DGKB: variants seen among roughly 807,000 people sequenced by gnomAD.
DGKB encodes diacylglycerol kinase beta, also known as 90 kDa diacylglycerol kinase.
Under a neutral mutation model 114.3 loss-of-function variants are expected in DGKB, and 67 were observed. The observed-to-expected ratio is 0.59, with a 90% CI of 0.48 to 0.72. DGKB has a LOEUF of 0.72. Ranked by LOEUF, DGKB falls within the 30% of genes least tolerant of loss-of-function variation. DGKB has a pLI of 0.00. For missense variants in DGKB, 907 were observed against 975.2 expected, an observed-to-expected ratio of 0.93 and a Z score of 0.93; for synonymous variants, 398 against 323.1, an observed-to-expected ratio of 1.23 and a Z score of -2.49.
chr7:14,636,695 C>A (rs772460924), intron 13 of DGKB, among the ~76,000 whole-genome samples: 1 of 151,700 alleles, frequency 6.6e-6, no homozygotes, highest in Non-Finnish European at 1.5e-5. Context: ...ATCTACCTGG[C>A]GGGCAAAAAT....
chr7:14,572,270 C>T (rs1450396629), intron 20 of DGKB, among the ~76,000 whole-genome samples: 4 of 148,658 alleles, frequency 2.7e-5, no homozygotes, highest in African/African-American at 7.4e-5. Context: ...TGGCTAACCC[C>T]GTATCTACTA....
At chr7:14,905,749 G>GCTTA (rs1377657086), upstream of DGKB, among the ~76,000 whole-genome samples, 1 of 152,132 alleles carries the variant, frequency 6.6e-6, no homozygotes, top group Non-Finnish European at 1.5e-5. Context: ...AGCCATGTTT[G>GCTTA]CTTAGTTCAT....
chr7:14,175,474 G>A (rs948588874), intron 25 of DGKB, among the ~76,000 whole-genome samples: 3 of 151,950 alleles, frequency 2.0e-5, no homozygotes, highest in African/African-American at 7.3e-5. Flanking sequence ...AATTTTTCCT[G>A]TTCTACCTCT....
intron 23 of DGKB, among the ~76,000 whole-genome samples, chr7:14,192,430 CTG>C (rs1238826482): frequency 6.6e-6 from 1 of 151,966 alleles, no homozygotes; most frequent in Non-Finnish European, 1.5e-5. Context: ...TACAATAAAA[CTG>C]TAAAACTTTG....
chr7:14,410,434 C>G (rs908912664), intron 21 of DGKB, among the ~76,000 whole-genome samples: 1 of 151,984 alleles, frequency 6.6e-6, no homozygotes. Flanking sequence ...CATTTTTATT[C>G]AGCAAGACAC....
At chr7:14,288,234 A>ATT (rs1357871823) in intron 23 of DGKB, among the ~76,000 whole-genome samples, 7 of 75,746 alleles carry the variant, frequency 9.2e-5, no homozygotes, top group East Asian at 3.4e-4. Flanking sequence ...TTTTTTTTTA[A>ATT]TTTTTTTTTT....
chr7:14,185,150 T>A (rs1404883495), intron 23 of DGKB, among the ~76,000 whole-genome samples: 3 of 152,326 alleles, frequency 2.0e-5, no homozygotes, highest in African/African-American at 7.2e-5. Flanking sequence ...AGAAAGCTCC[T>A]AGAATTGATA....
chr7:14,176,320 T>A, intron 25 of DGKB: 2 of 983,890 alleles, frequency 2.0e-6, no homozygotes, highest in Non-Finnish European at 2.4e-6. Context: ...AGGGGCAGTG[T>A]CTGCCTTAAA....
At chr7:14,446,494 C>T (rs1563200840) in intron 21 of DGKB, among the ~76,000 whole-genome samples, 1 of 152,104 alleles carries the variant, frequency 6.6e-6, no homozygotes, top group Non-Finnish European at 1.5e-5. Context: ...ACATGACATA[C>T]AGACAGACAC....
intron 2 of DGKB, among the ~76,000 whole-genome samples, chr7:14,823,694 G>T (rs1207441301): frequency 6.6e-6 from 1 of 152,124 alleles, no homozygotes; most frequent in Non-Finnish European, 1.5e-5. Context: ...ATGAAACTGT[G>T]ATTGAAAACA....
chr7:14,844,608 T>A (rs1848387805), intron 1 of DGKB, among the ~76,000 whole-genome samples: 1 of 152,202 alleles, frequency 6.6e-6, no homozygotes, highest in Admixed American at 6.5e-5. Context: ...ATTGTTGTGA[T>A]AGCTTCTTAA....
intron 1 of DGKB, among the ~76,000 whole-genome samples, chr7:14,854,775 G>C (rs1480752053): frequency 1.3e-5 from 2 of 152,090 alleles, no homozygotes; most frequent in Non-Finnish European, 2.9e-5. Flanking sequence ...GTTAGTACGA[G>C]CTATGATTTT....
intron 20 of DGKB, among the ~76,000 whole-genome samples, chr7:14,501,657 C>G (rs1424478382): frequency 1.3e-5 from 2 of 151,926 alleles, no homozygotes; most frequent in Non-Finnish European, 2.9e-5. Context: ...ACGTGTTCTG[C>G]TGGATTTCAT....
chr7:14,171,194 G>T (rs1780939809), intron 25 of DGKB, among the ~76,000 whole-genome samples: 1 of 152,158 alleles, frequency 6.6e-6, no homozygotes, highest in Non-Finnish European at 1.5e-5. Flanking sequence ...CAGAAAAAAG[G>T]CAAAGAGGGG....
At chr7:14,714,632 A>G (rs1347070335) in intron 6 of DGKB, among the ~76,000 whole-genome samples, 21 of 152,158 alleles carry the variant, frequency 1.4e-4, no homozygotes, top group Admixed American at 1.3e-3. Context: ...AAAAAAAAAC[A>G]TTATCTGGAT....
chr7:14,594,877 G>A (rs1165938974), intron 17 of DGKB, among the ~76,000 whole-genome samples: 1 of 152,086 alleles, frequency 6.6e-6, no homozygotes, highest in African/African-American at 2.4e-5. Flanking sequence ...AATGGCACCT[G>A]TATCTATCCA....
chr7:14,689,116 A>C (rs1486698351), intron 9 of DGKB, among the ~76,000 whole-genome samples: 1 of 151,938 alleles, frequency 6.6e-6, no homozygotes, highest in Non-Finnish European at 1.5e-5. Context: ...AACTCATTAA[A>C]TAACAAAGAA....
chr7:14,341,690 G>A (rs1402432928), intron 22 of DGKB, among the ~76,000 whole-genome samples: 1 of 151,718 alleles, frequency 6.6e-6, no homozygotes, highest in South Asian at 2.1e-4. Context: ...AAAAGAAGAC[G>A]GTTTCAATTT....
intron 21 of DGKB, among the ~76,000 whole-genome samples, chr7:14,394,941 T>A (rs1273642796): frequency 6.6e-6 from 1 of 152,138 alleles, no homozygotes; most frequent in East Asian, 1.9e-4. Context: ...GGTCAACTTT[T>A]CTGTATGTAG....
Sources: gnomAD v4.1 joint callset for allele counts (sites outside exome capture counted in the v4.1 genomes callset) on GRCh38, gnomAD v4.1.1 for gene constraint, MANE v1.5 for transcripts, NCBI Gene and HGNC (gene_info 2026-07-23, HGNC 2026-07-21) for gene names.